ADAMTSL1: variants seen among roughly 807,000 people sequenced by gnomAD.
The protein encoded by ADAMTSL1 is ADAMTS like 1, also known as ADAMTS-like protein 1.
A neutral mutation model predicts 201.8 loss-of-function variants in ADAMTSL1; 126 were observed. That is an observed-to-expected ratio of 0.62 (90% confidence interval 0.54 to 0.72). ADAMTSL1 has a LOEUF of 0.72. Among genes scored for constraint, ADAMTSL1 ranks in the 30% least tolerant of loss-of-function variants. The pLI is 0.00. For missense variants in ADAMTSL1, 2,679 were observed against 2,277.8 expected (o/e 1.18, Z -3.59); for synonymous variants, 1,121 against 903.4 (o/e 1.24, Z -4.32).
chr9:18,776,717 C>T, intron 18 of ADAMTSL1, 64 bp from the exon 19 acceptor site: 1 of 1,464,356 alleles, frequency 6.8e-7, no homozygotes. Context: ...CTGGCTGCAT[C>T]TCACTCTGGG....
Position 18,776,973 on chromosome 9 carries a change from G to A in ADAMTSL1, c.2744G>A (p.Gly915Asp), listed in dbSNP as rs117558542. 1.3e-4 allele frequency: 207 copies of A among 1,598,936 alleles called. 2 individuals carry two copies. The East Asian group carries it at 4.5e-3, about 35-fold the overall frequency. ...RKPLITWEKD[G>D]QHLISSTHVT... is the part of the protein sequence containing the mutation. ...CCCCTCATCACCTGGGAGAAGGACGGCCAGCACCTCATCAGCTCGACGCAC... is the reference window on the plus strand; with the variant it reads ...CCCCTCATCACCTGGGAGAAGGACGACCAGCACCTCATCAGCTCGACGCAC... The change falls in exon 19 of 29, where the codon GGC becomes GAC. Residue 915 changes from glycine (G) to aspartate (D), a missense_variant. Gly to Asp is a moderately conservative substitution (Grantham distance 94). Coordinates refer to ENST00000380548, the MANE Select transcript of ADAMTSL1 (RefSeq NM_001040272.6).
intron 8 of ADAMTSL1, 47 bp from the exon 9 acceptor site, chr9:18,661,888 G>A: frequency 6.3e-7 from 1 of 1,575,782 alleles, no homozygotes; most frequent in Non-Finnish European, 8.6e-7. Context: ...GAAATATATT[G>A]CATTGGCATG....
At chr9:18,392,255 CAT>C (rs778191277) in intron 2 of ADAMTSL1, among the ~76,000 whole-genome samples, 4 of 152,184 alleles carry the variant, frequency 2.6e-5, no homozygotes, top group African/African-American at 9.7e-5. Flanking sequence ...AAAATAATGT[CAT>C]ATGTGTGAAA....
chr9:18,470,297 C>CT (rs1406734066), upstream of ADAMTSL1, among the ~76,000 whole-genome samples: 1 of 152,200 alleles, frequency 6.6e-6, no homozygotes, highest in East Asian at 1.9e-4. Context: ...AATGAATGCT[C>CT]TAATGGCTTT....
chr9:18,023,669 C>G (rs1032310047), intron 1 of ADAMTSL1, among the ~76,000 whole-genome samples: 4 of 152,124 alleles, frequency 2.6e-5, no homozygotes, highest in African/African-American at 9.7e-5. Flanking sequence ...TTTCTTCTGT[C>G]TGGTGGATTG....
intron 2 of ADAMTSL1, among the ~76,000 whole-genome samples, chr9:18,332,757 C>G (rs1434888215): frequency 6.6e-6 from 1 of 152,180 alleles, no homozygotes; most frequent in Non-Finnish European, 1.5e-5. Context: ...CTAGGTGAAA[C>G]TGCAGGCATT....
At chr9:18,885,145 A>G (rs912647380) in intron 23 of ADAMTSL1, among the ~76,000 whole-genome samples, 1 of 152,214 alleles carries the variant, frequency 6.6e-6, no homozygotes, top group African/African-American at 2.4e-5. Flanking sequence ...ACCTGAGACT[A>G]GGTAATTTAT....
At chr9:18,472,784 T>C (rs1821268799), upstream of ADAMTSL1, among the ~76,000 whole-genome samples, 2 of 152,230 alleles carry the variant, frequency 1.3e-5, no homozygotes, top group South Asian at 2.1e-4. Flanking sequence ...CATATATTTC[T>C]GGGCTATCAG....
At chr9:18,510,172 AATG>A (rs1267035251) in intron 2 of ADAMTSL1, among the ~76,000 whole-genome samples, 1 of 152,172 alleles carries the variant, frequency 6.6e-6, no homozygotes, top group Non-Finnish European at 1.5e-5. Context: ...TCTATCAGCT[AATG>A]ATTATTCTAT....
chr9:18,382,693 A>G (rs1033039494), intron 2 of ADAMTSL1, among the ~76,000 whole-genome samples: 1 of 152,128 alleles, frequency 6.6e-6, no homozygotes, highest in Admixed American at 6.5e-5. Context: ...ATGTACCCTG[A>G]ATATGTGTGA....
At chr9:17,968,747 T>A (rs561742745) in intron 1 of ADAMTSL1, among the ~76,000 whole-genome samples, 15 of 152,260 alleles carry the variant, frequency 9.9e-5, no homozygotes, top group African/African-American at 3.6e-4. Context: ...AACCAGTATC[T>A]ATGCATGAAT....
chr9:18,001,807 G>C (rs1275777658), intron 1 of ADAMTSL1, among the ~76,000 whole-genome samples: 1 of 152,038 alleles, frequency 6.6e-6, no homozygotes, highest in Non-Finnish European at 1.5e-5. Context: ...AGGGCCAGTA[G>C]GATGAGGAGT....
At chr9:18,614,713 C>T (rs143658373) in intron 4 of ADAMTSL1, among the ~76,000 whole-genome samples, 9 of 152,214 alleles carry the variant, frequency 5.9e-5, no homozygotes, top group Non-Finnish European at 1.2e-4. Context: ...AGCCTACCAC[C>T]TATATGTATT....
chr9:18,251,830 T>C (rs1831475536), intron 2 of ADAMTSL1, among the ~76,000 whole-genome samples: 1 of 152,062 alleles, frequency 6.6e-6, no homozygotes, highest in Non-Finnish European at 1.5e-5. Context: ...ATGTGAGAAA[T>C]TAAAAATTGA....
intron 3 of ADAMTSL1, among the ~76,000 whole-genome samples, chr9:18,542,990 C>T (rs984995598): frequency 6.6e-6 from 1 of 152,146 alleles, no homozygotes; most frequent in South Asian, 2.1e-4. Context: ...AATGGCCCTT[C>T]CTTTGGACGA....
intron 1 of ADAMTSL1, among the ~76,000 whole-genome samples, chr9:18,124,557 C>G (rs1165402577): frequency 2.0e-5 from 3 of 151,966 alleles, no homozygotes; most frequent in Non-Finnish European, 4.4e-5. Flanking sequence ...TTGGGAATGT[C>G]CTTTGATGCA....
intron 20 of ADAMTSL1, among the ~76,000 whole-genome samples, chr9:18,814,679 A>G (rs187508191): frequency 1.9e-4 from 29 of 152,312 alleles, no homozygotes; most frequent in African/African-American, 5.5e-4. Context: ...TGGGAGCTAA[A>G]TGATGAGAAC....
At chr9:18,001,705 C>T (rs559648265) in intron 1 of ADAMTSL1, among the ~76,000 whole-genome samples, 6 of 151,932 alleles carry the variant, frequency 3.9e-5, no homozygotes, top group African/African-American at 1.4e-4. Context: ...GTTGAAGAAC[C>T]ATGGTGATTT....
chr9:18,662,196 T>C, intron 9 of ADAMTSL1, 123 bp downstream of exon 9: 1 of 1,304,972 alleles, frequency 7.7e-7, no homozygotes, highest in Admixed American at 2.2e-5. Context: ...AGTGTTGCTG[T>C]CCAGTGTTCA....
Sources: allele counts gnomAD v4.1 joint callset (sites outside exome capture counted in the v4.1 genomes callset), GRCh38; gene constraint gnomAD v4.1.1; transcripts MANE v1.5; gene names NCBI Gene and HGNC (gene_info 2026-07-23, HGNC 2026-07-21).